Variants in SHISA6 observed in about 807,000 individuals in gnomAD.
SHISA6 encodes the protein protein shisa-6.
Under a neutral mutation model 47.9 loss-of-function variants are expected in SHISA6, and 22 were observed. That is an observed-to-expected ratio of 0.46 (90% confidence interval 0.33 to 0.66). The LOEUF (loss-of-function observed/expected upper bound fraction) is 0.66. Ranked by LOEUF, SHISA6 falls within the 30% of genes least tolerant of loss-of-function variation. SHISA6 has a pLI of 0.02. For missense variants in SHISA6, 680 were observed against 764.6 expected, an observed-to-expected ratio of 0.89 and a Z score of 1.30; for synonymous variants, 388 against 337.8, an observed-to-expected ratio of 1.15 and a Z score of -1.63.
At chr17:11,539,604 A>G (rs2071816396) in intron 3 of SHISA6, among the ~76,000 whole-genome samples, 1 of 152,224 alleles carries the variant, frequency 6.6e-6, no homozygotes, top group African/African-American at 2.4e-5. Context: ...TGCTGAGGCA[A>G]GGGTGCATGT....
At chr17:11,428,779 C>CTTTTTTTT (rs34920362) in intron 3 of SHISA6, among the ~76,000 whole-genome samples, 1 of 96,060 alleles carries the variant, frequency 1.0e-5, no homozygotes, top group African/African-American at 4.3e-5. Flanking sequence ...GATCCACTTT[C>CTTTTTTTT]TTTTTTTTTT....
chr17:11,346,677 T>A (rs866429365), intron 2 of SHISA6, among the ~76,000 whole-genome samples: 3 of 152,322 alleles, frequency 2.0e-5, no homozygotes, highest in Middle Eastern at 3.4e-3. Context: ...TCATTCTATG[T>A]TTATCTTTTG....
At chr17:11,545,952 T>G (rs1399934114) in intron 3 of SHISA6, among the ~76,000 whole-genome samples, 1 of 152,332 alleles carries the variant, frequency 6.6e-6, no homozygotes, top group African/African-American at 2.4e-5. Context: ...CGTGCAAGGT[T>G]ACTCCTGCTG....
intron 3 of SHISA6, among the ~76,000 whole-genome samples, chr17:11,458,273 G>C (rs1373635103): frequency 6.6e-6 from 1 of 152,110 alleles, no homozygotes; most frequent in Non-Finnish European, 1.5e-5. Flanking sequence ...TGCCTATTGT[G>C]ATGTTACCTT....
intron 2 of SHISA6, among the ~76,000 whole-genome samples, chr17:11,368,064 G>A (rs1230298338): frequency 2.0e-5 from 3 of 152,050 alleles, no homozygotes; most frequent in African/African-American, 7.2e-5. Context: ...AAAGAATCAA[G>A]AGACAATAGA....
chr17:11,550,164 C>T (rs2071918623), intron 3 of SHISA6, among the ~76,000 whole-genome samples: 1 of 152,076 alleles, frequency 6.6e-6, no homozygotes, highest in Non-Finnish European at 1.5e-5. Flanking sequence ...AAGTGATTCT[C>T]CTGCCTCAGC....
At chr17:11,529,397 A>T (rs773703616) in intron 3 of SHISA6, among the ~76,000 whole-genome samples, 1 of 152,170 alleles carries the variant, frequency 6.6e-6, no homozygotes, top group Non-Finnish European at 1.5e-5. Context: ...GATTAAGATA[A>T]ATTGACATAA....
chr17:11,512,456 A>C (rs1349511823), intron 3 of SHISA6, among the ~76,000 whole-genome samples: 1 of 152,190 alleles, frequency 6.6e-6, no homozygotes, highest in Non-Finnish European at 1.5e-5. Flanking sequence ...TAACTTGCAT[A>C]TATCACTTTG....
rs1339881922 is a variant in SHISA6 at position 11,559,394 on chromosome 17, CAG to C, written c.*1092_*1093del. 2.6e-5 allele frequency: 4 copies of C among 152,368 alleles called. No homozygotes were observed. Among genetic ancestry groups the C allele is most frequent in the Non-Finnish European group, 5.9e-5 (4 of 68,154 alleles). 9.4% of individuals were successfully genotyped at this position (152,368 alleles called of 1,614,324 possible). The stretch of plus-strand genomic sequence containing the variant: ...ACATGCACCTCCGGCAGGACCTAGA[CAG>C]AAGTTTCTAGAGAGCAGCTTTTCAG... On this transcript the variant is annotated 3_prime_UTR_variant, in exon 6 of 6. Coordinates refer to ENST00000441885, the MANE Select transcript of SHISA6 (RefSeq NM_207386.4). The surrounding 1 kb of genome is among the most constrained non-coding windows in gnomAD (Gnocchi z 4.4).
At chr17:11,385,068 A>G (rs1913149141) in intron 3 of SHISA6, among the ~76,000 whole-genome samples, 1 of 152,214 alleles carries the variant, frequency 6.6e-6, no homozygotes, top group Non-Finnish European at 1.5e-5. Flanking sequence ...TCAAGATGCA[A>G]GTAAATATAT....
In SHISA6 at chr17:11,286,634, C is replaced by T. The variant is rs114810217; in HGVS notation, c.799+23108C>T. On this transcript the variant is annotated intron_variant, in intron 2 of 5. Transcript: ENST00000441885. Reference sequence around the variant, plus strand: ...CTGGGGAATCACGGAAAGATTTTCTCACATGGGAGTCAGGACTAACTTCAG... The same window carrying T: ...CTGGGGAATCACGGAAAGATTTTCTTACATGGGAGTCAGGACTAACTTCAG... 8.5e-3 allele frequency among the ~76,000 whole-genome samples: 1,295 copies of T among 152,334 alleles called. 16 individuals carry two copies. Among genetic ancestry groups the T allele is most frequent in the African/African-American group, 0.029 (1,186 of 41,582 alleles).
intron 3 of SHISA6, among the ~76,000 whole-genome samples, chr17:11,522,116 C>T (rs929873769): frequency 6.6e-6 from 1 of 150,952 alleles, no homozygotes; most frequent in Admixed American, 6.6e-5. Flanking sequence ...CAGGCACCCA[C>T]CACCACGCCC....
At chr17:11,363,460 C>A (rs1295469771) in intron 2 of SHISA6, among the ~76,000 whole-genome samples, 1 of 152,170 alleles carries the variant, frequency 6.6e-6, no homozygotes, top group African/African-American at 2.4e-5. Context: ...TTTGTTTTCT[C>A]AGTTTTCTAC....
intron 2 of SHISA6, among the ~76,000 whole-genome samples, chr17:11,332,874 C>T (rs935046590): frequency 6.6e-6 from 1 of 152,122 alleles, no homozygotes; most frequent in Non-Finnish European, 1.5e-5. Context: ...GAACCCCTGG[C>T]TCCAAAGCTT....
At chr17:11,415,682 T>C (rs1039956705) in intron 3 of SHISA6, among the ~76,000 whole-genome samples, 1 of 152,248 alleles carries the variant, frequency 6.6e-6, no homozygotes, top group Admixed American at 6.5e-5. Context: ...TAAACTACAT[T>C]GATAGGTCGA....
chr17:11,476,811 T>C (rs1348860890), intron 3 of SHISA6, among the ~76,000 whole-genome samples: 1 of 152,146 alleles, frequency 6.6e-6, no homozygotes, highest in Non-Finnish European at 1.5e-5. Flanking sequence ...ACTAGGTCCT[T>C]AATAATTTTC....
intron 3 of SHISA6, among the ~76,000 whole-genome samples, chr17:11,408,758 TTGATG>T (rs1281693786): frequency 3.3e-5 from 5 of 152,172 alleles, no homozygotes; most frequent in Non-Finnish European, 5.9e-5. Context: ...TGGTTGGAGG[TTGATG>T]ATTAATTCAG....
At chr17:11,412,161 T>A (rs1914140941) in intron 3 of SHISA6, among the ~76,000 whole-genome samples, 1 of 152,084 alleles carries the variant, frequency 6.6e-6, no homozygotes, top group South Asian at 2.1e-4. Flanking sequence ...TGGCTTTGAG[T>A]CCTTGGAAAA....
intron 3 of SHISA6, among the ~76,000 whole-genome samples, chr17:11,403,217 A>G (rs756970950): frequency 1.3e-5 from 2 of 152,142 alleles, no homozygotes; most frequent in African/African-American, 2.4e-5. Flanking sequence ...GAATCACTCA[A>G]GTTTTTAGGG....
Sources: gnomAD v4.1 joint callset for allele counts (sites outside exome capture counted in the v4.1 genomes callset) on GRCh38, gnomAD v4.1.1 for gene constraint, Gnocchi (gnomAD v3.1) non-coding constraint, MANE v1.5 for transcripts, NCBI Gene and HGNC (gene_info 2026-07-23, HGNC 2026-07-21) for gene names.